The following GASK1B variants were observed in gnomAD, a reference collection of about 807,000 sequenced individuals.
GASK1B encodes Golgi-associated kinase 1B.
Under a neutral mutation model 42.8 loss-of-function variants are expected in GASK1B, and 34 were observed. That is an observed-to-expected ratio of 0.79 (90% CI 0.60 to 1.06). The LOEUF (loss-of-function observed/expected upper bound fraction) is 1.06. Among genes scored for constraint, GASK1B ranks in the 50% least tolerant of loss-of-function variants. GASK1B has a pLI of 0.00. For missense variants in GASK1B, 686 were observed against 661.0 expected, an observed-to-expected ratio of 1.04 and a Z score of -0.42; for synonymous variants, 262 against 259.1, an observed-to-expected ratio of 1.01 and a Z score of -0.11.
intron 3 of GASK1B, among the ~76,000 whole-genome samples, chr4:158,132,594 A>C (rs4309890): frequency 6.6e-6 from 1 of 152,046 alleles, no homozygotes; most frequent in Non-Finnish European, 1.5e-5. Flanking sequence ...TTCTCTGTTT[A>C]CTGTATGTAA....
In GASK1B at chr4:158,127,173, T is replaced by C; in HGVS notation, c.*234A>G. On this transcript the variant is annotated 3_prime_UTR_variant, in exon 5 of 5. Transcript: ENST00000585682. ...CAGATGTTCAGACTGACACATAGCA[T>C]GATGTTAGAGAAAAATATAAACAAA... 4 of 355,602 alleles carry C rather than the reference T, an allele frequency of 1.1e-5. No individual in the cohort carries two copies. Among genetic ancestry groups the C allele is most frequent in the Non-Finnish European group, 2.0e-5 (4 of 197,026 alleles). 22.0% of individuals were successfully genotyped at this position (355,602 alleles called of 1,614,324 possible).
At chr4:158,155,463 G>A (rs1731720310) in intron 3 of GASK1B, 148 bp downstream of exon 3, 3 of 694,666 alleles carry the variant, frequency 4.3e-6, no homozygotes, top group South Asian at 3.9e-5. Context: ...TGGCCATTAT[G>A]GCCAAAACCA....
chr4:158,169,386 T>C (rs1169543170), intron 2 of GASK1B: 1 of 152,180 alleles, frequency 6.6e-6, no homozygotes, highest in African/African-American at 2.4e-5. Context: ...TCTAAGTAAA[T>C]CACTGGTACT....
intron 2 of GASK1B, among the ~76,000 whole-genome samples, chr4:158,166,324 G>A (rs895510145): frequency 6.6e-6 from 1 of 152,192 alleles, no homozygotes; most frequent in Non-Finnish European, 1.5e-5. Flanking sequence ...ATTAAACTGA[G>A]CTAGCTGATT....
intron 3 of GASK1B, among the ~76,000 whole-genome samples, chr4:158,153,815 G>A (rs2110987239): frequency 6.6e-6 from 1 of 152,264 alleles, no homozygotes; most frequent in East Asian, 1.9e-4. Context: ...GTAGAAGAAT[G>A]AAACTGTATC....
chr4:158,132,027 A>T (rs1730703444), intron 3 of GASK1B, among the ~76,000 whole-genome samples: 1 of 152,222 alleles, frequency 6.6e-6, no homozygotes, highest in Non-Finnish European at 1.5e-5. Context: ...ATCTCAAAAC[A>T]AGCTTCTAAG....
rs557747038 is a variant in GASK1B, at chr4:158,129,371, C to T, written c.1352+1415G>A. ...TAAATTTTCCGATACATAAAATTTC[C>T]TTAGCTTAAAAGAGAGAACCTGCCA... is the stretch of plus-strand genomic sequence containing the variant. On this transcript the variant is annotated intron_variant, in intron 4 of 4. Coordinates refer to ENST00000585682, the MANE Select transcript of GASK1B (RefSeq NM_001128424.2). Among the ~76,000 whole-genome samples, 6 of 152,202 alleles carry T rather than the reference C, an allele frequency of 3.9e-5. No homozygotes were observed. In the East Asian group the frequency reaches 1.2e-3, roughly 29 times the overall value.
chr4:158,145,128 C>G (rs1001732313), intron 3 of GASK1B, among the ~76,000 whole-genome samples: 1 of 152,178 alleles, frequency 6.6e-6, no homozygotes, highest in East Asian at 1.9e-4. Context: ...AAACAAAGAT[C>G]TTTCCATGAA....
chr4:158,129,228 T>C (rs1730577383), intron 4 of GASK1B, among the ~76,000 whole-genome samples: 1 of 152,250 alleles, frequency 6.6e-6, no homozygotes, highest in African/African-American at 2.4e-5. Flanking sequence ...TATTCACATT[T>C]ACATGAATGT....
chr4:158,126,608 T>C lies in GASK1B; in HGVS notation c.*799A>G, dbSNP rs1730462876. ...TAAAGAGACATCCATTTTAAAATGA[T>C]ACTCTGTAAGTACATTTTCAGATAG... is the stretch of plus-strand genomic sequence containing the variant. On this transcript the variant is annotated 3_prime_UTR_variant, in exon 5 of 5. Transcript: ENST00000585682. 6.6e-6 allele frequency: 1 copy of C among 152,122 alleles called. No individual in the cohort carries two copies. Among genetic ancestry groups the C allele is most frequent in the Non-Finnish European group, 1.5e-5 (1 of 67,996 alleles). The allele number at this position is 152,122 out of a possible 1,614,324, so 9.4% of individuals were successfully genotyped here. A position where few individuals can be genotyped will look rare whatever the true frequency, so the allele number is the denominator to read the frequency against.
intron 3 of GASK1B, among the ~76,000 whole-genome samples, chr4:158,150,979 C>A (rs1731534479): frequency 6.6e-6 from 1 of 152,192 alleles, no homozygotes; most frequent in Non-Finnish European, 1.5e-5. Flanking sequence ...TGTCCCTCTG[C>A]AATTTCTTCC....
chr4:158,161,808 A>C (rs2111007222), intron 2 of GASK1B, among the ~76,000 whole-genome samples: 1 of 152,266 alleles, frequency 6.6e-6, no homozygotes, highest in Non-Finnish European at 1.5e-5. Context: ...AATCCAGTTA[A>C]AGGAGCCACG....
chr4:158,132,028 A>G (rs561114410), intron 3 of GASK1B, among the ~76,000 whole-genome samples: 1 of 152,344 alleles, frequency 6.6e-6, no homozygotes, highest in African/African-American at 2.4e-5. Flanking sequence ...TCTCAAAACA[A>G]GCTTCTAAGA....
intron 3 of GASK1B, among the ~76,000 whole-genome samples, chr4:158,150,045 CCT>C (rs1171108173): frequency 6.7e-5 from 10 of 149,812 alleles, no homozygotes; most frequent in African/African-American, 2.4e-4. Context: ...CCTGCCTCAG[CCT>C]CCCAAGTAAC....
At chr4:158,169,958 T>C in intron 2 of GASK1B, 1 of 431,964 alleles carries the variant, frequency 2.3e-6, no homozygotes, top group South Asian at 3.9e-5. Flanking sequence ...GTTAAATCCA[T>C]TGAAAAAAAA....
At chr4:158,167,433 G>A (rs1009114786) in intron 2 of GASK1B, among the ~76,000 whole-genome samples, 2 of 152,156 alleles carry the variant, frequency 1.3e-5, no homozygotes, top group African/African-American at 4.8e-5. Flanking sequence ...AATTCCTTAT[G>A]AGATCCTCCA....
chr4:158,135,196 C>CTAT (rs1730835899), intron 3 of GASK1B, among the ~76,000 whole-genome samples: 1 of 151,456 alleles, frequency 6.6e-6, no homozygotes, highest in Non-Finnish European at 1.5e-5. Context: ...TGGCACACAC[C>CTAT]TGTAATCCCA....
At chr4:158,135,653 C>T (rs1246409345) in intron 3 of GASK1B, among the ~76,000 whole-genome samples, 1 of 151,736 alleles carries the variant, frequency 6.6e-6, no homozygotes, top group Non-Finnish European at 1.5e-5. Context: ...TGCTCTTATC[C>T]ATCCTGATTG....
chr4:158,163,430 G>T (rs542589904), intron 2 of GASK1B, among the ~76,000 whole-genome samples: 1 of 152,046 alleles, frequency 6.6e-6, no homozygotes, highest in Admixed American at 6.5e-5. Context: ...TTAGCCGGGC[G>T]TGGTGACAGG....
Sources: allele counts gnomAD v4.1 joint callset (sites outside exome capture counted in the v4.1 genomes callset), GRCh38; gene constraint gnomAD v4.1.1; transcripts MANE v1.5; gene names NCBI Gene and HGNC (gene_info 2026-07-23, HGNC 2026-07-21).